TRPM3: variants seen among roughly 807,000 people sequenced by gnomAD.
TRPM3 encodes transient receptor potential cation channel subfamily M member 3.
Under a neutral mutation model 181.2 loss-of-function variants are expected in TRPM3, and 77 were observed. That is an observed-to-expected ratio of 0.42 (90% CI 0.35 to 0.51). The LOEUF (loss-of-function observed/expected upper bound fraction) is 0.51, where lower values mean the gene tolerates loss of function less well. Ranked by LOEUF, TRPM3 falls within the 20% of genes least tolerant of loss-of-function variation. TRPM3 has a pLI of 0.01. For synonymous variants in TRPM3, 745 were observed against 796.4 expected (o/e 0.94, Z 1.09); for missense variants, 1,759 against 2,196.7 (o/e 0.80, Z 3.98).
Position 70,618,886 on chromosome 9 carries a change from C to T in TRPM3, c.2339G>A (p.Arg780His), listed in dbSNP as rs372807343. ...TDMWMGRLRM[R>H]KNSGLKVILG... ...CCTGACCTTGAGGCCTGAGTTCTTG[C>T]GCATGCGGAGCCGGCCCATCCACAT... Residue 780 changes from arginine to histidine, a missense_variant, in exon 17 of 26, where the codon CGC (arginine) becomes CAC (histidine). By Grantham distance (29) the Arg-to-His change is conservative. Transcript: ENST00000677713. 1.3e-5 allele frequency: 21 copies of T among 1,607,084 alleles called. No individual in the cohort carries two copies. Among genetic ancestry groups the T allele is most frequent in the African/African-American group, 5.3e-5 (4 of 74,942 alleles).
At chr9:70,988,109 T>G (rs1275916024) in intron 1 of TRPM3, among the ~76,000 whole-genome samples, 6 of 152,332 alleles carry the variant, frequency 3.9e-5, no homozygotes, top group Non-Finnish European at 7.3e-5. Flanking sequence ...TGAAATTCTT[T>G]GGAATCTCTT....
intron 8 of TRPM3, among the ~76,000 whole-genome samples, chr9:70,688,390 C>T (rs542414329): frequency 7.9e-5 from 12 of 152,238 alleles, no homozygotes; most frequent in Admixed American, 6.5e-4. Flanking sequence ...GATTTTAGTG[C>T]ACCTGTCATC....
At chr9:70,925,812 C>A (rs1183284543) in intron 1 of TRPM3, among the ~76,000 whole-genome samples, 1 of 151,910 alleles carries the variant, frequency 6.6e-6, no homozygotes. Flanking sequence ...GTTAGTAGTT[C>A]CCTCAAACAC....
chr9:70,813,060 C>T (rs1189449317), intron 6 of TRPM3, among the ~76,000 whole-genome samples: 1 of 152,142 alleles, frequency 6.6e-6, no homozygotes, highest in Non-Finnish European at 1.5e-5. Context: ...AAAAGCTCTA[C>T]CAAGGTAATT....
intron 1 of TRPM3, among the ~76,000 whole-genome samples, chr9:71,161,564 G>T (rs1179763316): frequency 6.6e-6 from 1 of 152,108 alleles, no homozygotes; most frequent in Non-Finnish European, 1.5e-5. Context: ...GGGCTTTGCT[G>T]GGTTAAAACT....
At chr9:71,344,164 G>T (rs1418575681) in intron 1 of TRPM3, among the ~76,000 whole-genome samples, 1 of 151,940 alleles carries the variant, frequency 6.6e-6, no homozygotes, top group Non-Finnish European at 1.5e-5. Flanking sequence ...AAATTAACTG[G>T]GGCAGCTGGG....
intron 6 of TRPM3, among the ~76,000 whole-genome samples, chr9:70,820,520 C>T (rs1350292325): frequency 6.6e-6 from 1 of 152,112 alleles, no homozygotes; most frequent in Non-Finnish European, 1.5e-5. Context: ...TAAGCCATTG[C>T]GCCGAGCCTG....
At chr9:70,858,165 A>C (rs2095434135) in intron 3 of TRPM3, among the ~76,000 whole-genome samples, 1 of 152,210 alleles carries the variant, frequency 6.6e-6, no homozygotes, top group South Asian at 2.1e-4. Flanking sequence ...AATAAAAATC[A>C]ATCTTCCTCT....
intron 11 of TRPM3, among the ~76,000 whole-genome samples, chr9:70,638,500 A>G (rs78067441): frequency 0.05 from 7,609 of 152,214 alleles, 647 homozygotes; most frequent in African/African-American, 0.17. Flanking sequence ...AGTTTTACCT[A>G]TGATTACTCC....
chr9:71,387,394 T>C (rs1337012961), intron 1 of TRPM3, among the ~76,000 whole-genome samples: 1 of 152,170 alleles, frequency 6.6e-6, no homozygotes, highest in Admixed American at 6.5e-5. Flanking sequence ...CTAGTGTTTA[T>C]AGAGCCACAG....
At chr9:71,158,808 C>T (rs138932333) in intron 1 of TRPM3, among the ~76,000 whole-genome samples, 95 of 152,172 alleles carry the variant, frequency 6.2e-4, no homozygotes, top group African/African-American at 2.0e-3. Context: ...TTACCCTCCT[C>T]GATGTGGGCT....
Position 71,420,725 on chromosome 9 carries a change from G to GAGAGAGAGAA in TRPM3, c.183+25927_183+25928insTTCTCTCTCT, listed in dbSNP as rs1565556943. ...AGAGAGAGAAAGAAAGAGAGAAAGA[G>GAGAGAGAGAA]AGAGAGAGAGAAAGAGAGAGAAAGA... On this transcript the variant is annotated intron_variant, in intron 1 of 24. Transcript: ENST00000357533. Among the ~76,000 whole-genome samples the GAGAGAGAGAA allele has an allele frequency of 6.0e-4, 76 of 125,840 alleles. 4 individuals are homozygous for GAGAGAGAGAA. Among genetic ancestry groups the GAGAGAGAGAA allele is most frequent in the African/African-American group, 2.2e-3 (75 of 33,758 alleles). The allele number at this position is 125,840 out of a possible 152,430, so 82.6% of individuals were successfully genotyped here.
chr9:71,312,188 C>A (rs1478777168), intron 1 of TRPM3, among the ~76,000 whole-genome samples: 1 of 151,932 alleles, frequency 6.6e-6, no homozygotes, highest in Non-Finnish European at 1.5e-5. Context: ...GGACTGTTAC[C>A]CAAAATATAT....
intron 1 of TRPM3, among the ~76,000 whole-genome samples, chr9:71,310,300 T>C (rs1441508147): frequency 2.6e-5 from 4 of 152,044 alleles, no homozygotes; most frequent in African/African-American, 9.7e-5. Flanking sequence ...AAAATAAAAC[T>C]AATCTGAAAT....
At chr9:71,363,566 A>G (rs1245794731) in intron 1 of TRPM3, among the ~76,000 whole-genome samples, 1 of 152,166 alleles carries the variant, frequency 6.6e-6, no homozygotes, top group African/African-American at 2.4e-5. Context: ...TTCTGGCTCT[A>G]TCCACCTATA....
chr9:70,746,992 A>G (rs1437574767), intron 8 of TRPM3, among the ~76,000 whole-genome samples: 1 of 152,294 alleles, frequency 6.6e-6, no homozygotes, highest in East Asian at 1.9e-4. Context: ...CCTCTGTGTT[A>G]GTAGAGATTT....
At chr9:71,154,031 G>T (rs1166014865) in intron 1 of TRPM3, among the ~76,000 whole-genome samples, 1 of 152,058 alleles carries the variant, frequency 6.6e-6, no homozygotes, top group Non-Finnish European at 1.5e-5. Flanking sequence ...GTACAGAACT[G>T]CAGTGGTATA....
At chr9:71,028,959 A>G (rs2056942411) in intron 1 of TRPM3, among the ~76,000 whole-genome samples, 1 of 152,244 alleles carries the variant, frequency 6.6e-6, no homozygotes, top group Non-Finnish European at 1.5e-5. Flanking sequence ...TCTCTATTAC[A>G]AAACAACAGA....
intron 1 of TRPM3, among the ~76,000 whole-genome samples, chr9:71,110,281 C>T (rs1243510593): frequency 1.3e-5 from 2 of 152,162 alleles, no homozygotes; most frequent in Non-Finnish European, 2.9e-5. Context: ...AGGCCAAGTA[C>T]CACCTGCCTC....
Sources: gnomAD v4.1 joint callset for allele counts (sites outside exome capture counted in the v4.1 genomes callset) on GRCh38, gnomAD v4.1.1 for gene constraint, MANE v1.5 for transcripts, NCBI Gene and HGNC (gene_info 2026-07-23, HGNC 2026-07-21) for gene names.